Variants in ZFHX3 observed in about 807,000 individuals in gnomAD.
ZFHX3 encodes zinc finger homeobox protein 3.
In ZFHX3, 42 loss-of-function variants were observed where a neutral mutation model predicts 279.1. The observed-to-expected ratio is 0.15, with a 90% CI of 0.12 to 0.19. ZFHX3 has a LOEUF of 0.19. ZFHX3 is among the 10% of genes least tolerant of loss of function. The pLI, the probability that ZFHX3 is intolerant of heterozygous loss-of-function variation, is 1.00. For missense variants in ZFHX3, 4,981 were observed against 4,754.0 expected, an observed-to-expected ratio of 1.05 and a Z score of -1.40; for synonymous variants, 2,293 against 1,957.8, an observed-to-expected ratio of 1.17 and a Z score of -4.52.
chr16:72,847,309 G>T (rs149006794), intron 4 of ZFHX3, among the ~76,000 whole-genome samples: 5 of 152,254 alleles, frequency 3.3e-5, no homozygotes, highest in African/African-American at 1.2e-4. Flanking sequence ...CACTACCTAA[G>T]ACGTGTCTCC....
At position 73,768,854 on chromosome 16, in the gene ZFHX3, A is replaced by G. The variant is rs2053984255; in HGVS notation, c.-1607-88614T>C. Reference sequence around the variant, plus strand: ...CTGAGAGAAACTGAAAGCTGTACTCATACAAGCTAGGAAACTGACTATTCC... The same window carrying G: ...CTGAGAGAAACTGAAAGCTGTACTCGTACAAGCTAGGAAACTGACTATTCC... On this transcript the variant is annotated intron_variant, in intron 1 of 17. Transcript: ENST00000641206. Among the ~76,000 whole-genome samples, 3 of 152,174 alleles carry G rather than the reference A, an allele frequency of 2.0e-5. 1 individual carries two copies. Among genetic ancestry groups the G allele is most frequent in the Non-Finnish European group, 4.4e-5 (3 of 68,026 alleles).
chr16:73,347,799 A>G (rs1338457322), intron 3 of ZFHX3, among the ~76,000 whole-genome samples: 1 of 152,246 alleles, frequency 6.6e-6, no homozygotes, highest in Non-Finnish European at 1.5e-5. Context: ...CATGGTGCAG[A>G]TAGCTCAAAG....
intron 1 of ZFHX3, among the ~76,000 whole-genome samples, chr16:73,689,187 T>C (rs1317838851): frequency 6.6e-6 from 1 of 152,216 alleles, no homozygotes; most frequent in African/African-American, 2.4e-5. Context: ...CGTCTTTCAA[T>C]TCAAAATATC....
chr16:73,514,539 T>C lies in ZFHX3; in HGVS notation c.-1546-58281A>G, dbSNP rs193112073. Among the ~76,000 whole-genome samples, 149 of 152,334 alleles carry C rather than the reference T, an allele frequency of 9.8e-4. 1 individual carries two copies. The highest frequency in any genetic ancestry group is 3.5e-3 in the African/African-American group (146 of 41,576). On this transcript the variant is annotated intron_variant, in intron 2 of 17. Coordinates refer to the ZFHX3 transcript ENST00000641206. ...TGAACTATTATTTTTACTATTCTCA[T>C]TCTATAATTCCAATACTGATATTAG...
chr16:73,303,981 A>G (rs1211073488), intron 4 of ZFHX3, among the ~76,000 whole-genome samples: 4 of 150,886 alleles, frequency 2.7e-5, no homozygotes, highest in African/African-American at 9.8e-5. Flanking sequence ...AAAAAAAAAA[A>G]AAAAAAAAAG....
intron 3 of ZFHX3, among the ~76,000 whole-genome samples, chr16:73,369,826 A>C (rs2016591963): frequency 6.7e-6 from 1 of 149,294 alleles, no homozygotes; most frequent in Admixed American, 6.7e-5. Context: ...ATTACTTAGA[A>C]TTAGGATGGT....
chr16:72,982,454 T>A (rs73592787), intron 1 of ZFHX3, among the ~76,000 whole-genome samples: 47,841 of 151,906 alleles, frequency 0.31, 7,739 homozygotes, highest in Admixed American at 0.37. Context: ...ACAAGAAGAA[T>A]AAAGACAGAA....
At chr16:73,070,913 C>T (rs968835283) in intron 8 of ZFHX3, among the ~76,000 whole-genome samples, 3 of 45,168 alleles carry the variant, frequency 6.6e-5, no homozygotes, top group Non-Finnish European at 1.4e-4. Flanking sequence ...CCTAGACCGT[C>T]TTGCGCGCGC....
rs187271486 is a variant in ZFHX3, at chr16:72,928,990, C to T, written c.3216+21479G>A. ...CGGGAGCTCATGCCTATAACCCCAG[C>T]ACTTTGGGAGGCCAAGGTGGGCAGA... is the stretch of plus-strand genomic sequence containing the variant. On this transcript the variant is annotated intron_variant, in intron 3 of 9. Transcript: ENST00000268489. 4.0e-3 allele frequency among the ~76,000 whole-genome samples: 608 copies of T among 152,184 alleles called. 2 individuals are homozygous for T. The highest frequency in any genetic ancestry group is 0.014 in the Middle Eastern group (4 of 294).
intron 2 of ZFHX3, among the ~76,000 whole-genome samples, chr16:73,517,328 G>T (rs1273494648): frequency 6.6e-6 from 1 of 152,080 alleles, no homozygotes; most frequent in African/African-American, 2.4e-5. Flanking sequence ...ATCATCTCAT[G>T]CTCCCTCAAC....
rs151266422 is a variant in ZFHX3, at chr16:73,832,661, C to G, written c.-1608+58990G>C. 4.8e-3 allele frequency among the ~76,000 whole-genome samples: 738 copies of G among 152,276 alleles called. 3 individuals are homozygous for G. Among genetic ancestry groups the G allele is most frequent in the Non-Finnish European group, 6.9e-3 (471 of 68,026 alleles). ...CTCCTGGGCTCAAGCAATCCTCCCC[C>G]CTCAGCCTCCCAAAATGCTGGGATT... is the stretch of plus-strand genomic sequence containing the variant. On this transcript the variant is annotated intron_variant, in intron 1 of 17. Transcript: ENST00000641206.
intron 2 of ZFHX3, among the ~76,000 whole-genome samples, chr16:72,951,722 G>A (rs1961010287): frequency 6.6e-6 from 1 of 152,220 alleles, no homozygotes; most frequent in African/African-American, 2.4e-5. Flanking sequence ...TGGGGAACCA[G>A]AATTGGGCCC....
chr16:73,664,578 T>C (rs1473447830), intron 2 of ZFHX3, among the ~76,000 whole-genome samples: 1 of 152,220 alleles, frequency 6.6e-6, no homozygotes, highest in African/African-American at 2.4e-5. Flanking sequence ...TGAAATCCCA[T>C]AGTATTTGCC....
intron 2 of ZFHX3, among the ~76,000 whole-genome samples, chr16:73,529,257 C>T (rs2019750124): frequency 6.6e-6 from 1 of 152,150 alleles, no homozygotes; most frequent in African/African-American, 2.4e-5. Flanking sequence ...GAGGGAAAAG[C>T]TGCCCTGGTC....
At chr16:73,539,050 G>A (rs1319619859) in intron 2 of ZFHX3, among the ~76,000 whole-genome samples, 1 of 152,142 alleles carries the variant, frequency 6.6e-6, no homozygotes, top group Non-Finnish European at 1.5e-5. Flanking sequence ...TATGTAGGGG[G>A]AAATGACAGC....
At chr16:73,257,066 A>G (rs1322632227) in exon 5 of ZFHX3, 1 of 152,244 alleles carries the variant, frequency 6.6e-6, no homozygotes, top group Non-Finnish European at 1.5e-5. Context: ...ATCGAGGGTG[A>G]AGATGAAGAT....
intron 1 of ZFHX3, among the ~76,000 whole-genome samples, chr16:73,025,767 C>T (rs528349551): frequency 7.0e-4 from 107 of 152,238 alleles, no homozygotes; most frequent in Non-Finnish European, 1.3e-3. Flanking sequence ...CTCTCCCTGT[C>T]TATAAATCAC....
At chr16:73,797,300 G>A (rs1042457646) in intron 1 of ZFHX3, among the ~76,000 whole-genome samples, 2 of 152,188 alleles carry the variant, frequency 1.3e-5, no homozygotes, top group Non-Finnish European at 2.9e-5. Context: ...AGCAGCCAGT[G>A]CTGAGGCTAA....
At chr16:72,923,092 T>C (rs545044852) in intron 3 of ZFHX3, among the ~76,000 whole-genome samples, 2 of 152,198 alleles carry the variant, frequency 1.3e-5, no homozygotes, top group South Asian at 2.1e-4. Flanking sequence ...TCTATGTATA[T>C]GTTGTGTACA....
Sources: allele counts gnomAD v4.1 joint callset (sites outside exome capture counted in the v4.1 genomes callset), GRCh38; gene constraint gnomAD v4.1.1; transcripts MANE v1.5; gene names NCBI Gene and HGNC (gene_info 2026-07-23, HGNC 2026-07-21).